Variants in CDK13 observed in about 807,000 individuals in gnomAD.
The protein encoded by CDK13 is cyclin dependent kinase 13.
CDK13 carries 40 observed loss-of-function variants against 137.6 expected under a neutral mutation model. The observed-to-expected ratio is 0.29, with a 90% CI of 0.23 to 0.38. CDK13 has a LOEUF of 0.38. Ranked by LOEUF, CDK13 falls within the 10% of genes least tolerant of loss-of-function variation. The pLI, the probability that CDK13 is intolerant of heterozygous loss-of-function variation, is 1.00. For missense variants in CDK13, 1,704 were observed against 1,951.8 expected, an observed-to-expected ratio of 0.87 and a Z score of 2.39; for synonymous variants, 869 against 760.1, an observed-to-expected ratio of 1.14 and a Z score of -2.36.
In CDK13 at chr7:39,951,010, G is replaced by A. The variant is rs1787152617; in HGVS notation, c.369G>A (p.Leu123=). Residue 123 remains leucine (L), a synonymous_variant, in exon 1 of 14, where the codon CTG becomes CTA. Coordinates refer to ENST00000181839, the MANE Select transcript of CDK13 (RefSeq NM_003718.5). ...CGGAGAAGCGTCGGGTCTTCTCGCT[G>A]CCCCAGCCGCAGCAGGACGGCGGTG... The part of the protein sequence containing the change: ...QEAEKRRVFS[L]PQPQQDGGGG... 1.5e-6 allele frequency: 2 copies of A among 1,303,270 alleles called. No homozygotes were observed. Among genetic ancestry groups the A allele is most frequent in the Non-Finnish European group, 9.7e-7 (1 of 1,029,348 alleles). 80.7% of individuals were successfully genotyped at this position (1,303,270 alleles called of 1,614,324 possible). A position where few individuals can be genotyped will look rare whatever the true frequency, so the allele number is the denominator to read the frequency against.
intron 11 of CDK13, among the ~76,000 whole-genome samples, chr7:40,083,068 G>A (rs559891434): frequency 2.2e-4 from 32 of 148,006 alleles, no homozygotes; most frequent in Middle Eastern, 3.6e-3. Flanking sequence ...GCGCCACTGC[G>A]CTCCAGCTTG....
intron 1 of CDK13, among the ~76,000 whole-genome samples, chr7:39,954,191 C>T (rs1216375513): frequency 6.6e-6 from 1 of 152,134 alleles, no homozygotes; most frequent in Non-Finnish European, 1.5e-5. Context: ...GACTAAAAAA[C>T]TCATACGGTT....
At chr7:40,000,101 C>T (rs958591633) in intron 4 of CDK13, among the ~76,000 whole-genome samples, 3 of 151,788 alleles carry the variant, frequency 2.0e-5, no homozygotes, top group African/African-American at 4.8e-5. Context: ...ATAGGCCGGG[C>T]GTGATTGCTC....
chr7:39,992,093 ACACACACACACG>A (rs1413116850), intron 2 of CDK13, among the ~76,000 whole-genome samples: 10 of 146,010 alleles, frequency 6.8e-5, no homozygotes, highest in Non-Finnish European at 1.3e-4. Flanking sequence ...ACACACACAC[ACACACACACACG>A]CACACACACA....
intron 1 of CDK13, among the ~76,000 whole-genome samples, chr7:39,966,943 A>G (rs1783885478): frequency 6.6e-6 from 1 of 152,102 alleles, no homozygotes; most frequent in Non-Finnish European, 1.5e-5. Context: ...GTTGAACAGT[A>G]AATGTTGCTG....
chr7:40,071,494 G>GT (rs1047500000), intron 9 of CDK13: 16 of 152,092 alleles, frequency 1.1e-4, no homozygotes, highest in African/African-American at 3.6e-4. Flanking sequence ...ATGATTGCTA[G>GT]TTTTTTACAG....
chr7:39,996,961 C>CAAAAAAAAAAAAAAA (rs72210233), intron 2 of CDK13, among the ~76,000 whole-genome samples: 11 of 83,244 alleles, frequency 1.3e-4, no homozygotes, highest in African/African-American at 7.9e-4. Context: ...GATTCCATCT[C>CAAAAAAAAAAAAAAA]AAAAAAAAAA....
At chr7:40,051,691 T>G (rs1006366036) in intron 7 of CDK13, among the ~76,000 whole-genome samples, 1 of 152,210 alleles carries the variant, frequency 6.6e-6, no homozygotes, top group Non-Finnish European at 1.5e-5. Flanking sequence ...TCTCATTAGA[T>G]TTTGGATGTT....
chr7:40,007,572 T>C (rs1784818828), intron 5 of CDK13, among the ~76,000 whole-genome samples: 2 of 152,066 alleles, frequency 1.3e-5, no homozygotes, highest in African/African-American at 4.8e-5. Context: ...ATTACAGATG[T>C]CCGCCACCAC....
chr7:40,029,565 C>T (rs867649179), intron 5 of CDK13, among the ~76,000 whole-genome samples: 3 of 150,326 alleles, frequency 2.0e-5, no homozygotes, highest in African/African-American at 7.3e-5. Flanking sequence ...ACTAAAAATA[C>T]AAAAATTAGC....
Position 40,096,548 on chromosome 7 carries a change from A to G in CDK13, c.*1568A>G, listed in dbSNP as rs1787051525. 1 of 152,136 alleles carries G rather than the reference A, an allele frequency of 6.6e-6. No individual in the cohort carries two copies. Among genetic ancestry groups the G allele is most frequent in the Admixed American group, 6.5e-5 (1 of 15,270 alleles). The allele number at this position is 152,136 out of a possible 1,614,324, so 9.4% of individuals were successfully genotyped here. ...GAAGTTAGAGTTGTGCCAATTAATC[A>G]TTTTGTTCATCAACTGTTCTGGTAA... On this transcript the variant is annotated 3_prime_UTR_variant, in exon 14 of 14. Transcript: ENST00000181839.
At chr7:39,977,340 T>C (rs545104721) in intron 1 of CDK13, among the ~76,000 whole-genome samples, 2 of 152,234 alleles carry the variant, frequency 1.3e-5, no homozygotes, top group Non-Finnish European at 2.9e-5. Flanking sequence ...GCAGTGTCTT[T>C]AATTGTGTAA....
Position 39,987,654 on chromosome 7 carries a change from C to T in CDK13, c.1267C>T (p.Arg423Cys), listed in dbSNP as rs757776422. The part of the protein sequence containing the change: ...SPYSSRHSRS[R>C]SRHRLSRSRS... Reference sequence around the variant, plus strand: ...GTATTCATCTAGGCATTCAAGATCTCGTAGCAGGCACAGATTGTCTAGATC... The same window carrying T: ...GTATTCATCTAGGCATTCAAGATCTTGTAGCAGGCACAGATTGTCTAGATC... The change falls in exon 2 of 14, where the codon CGT becomes TGT. Residue 423 changes from arginine (R) to cysteine (C), a missense_variant. By Grantham distance (180) the Arg-to-Cys change is radical. Transcript: ENST00000181839. The T allele has an allele frequency of 5.6e-6, 9 of 1,612,614 alleles. No homozygotes were observed. The highest frequency in any genetic ancestry group is 4.5e-5 in the East Asian group (2 of 44,878).
chr7:39,997,755 T>TA (rs1689775138), intron 3 of CDK13, 91 bp downstream of exon 3: 4 of 926,930 alleles, frequency 4.3e-6, no homozygotes, highest in Non-Finnish European at 6.6e-6. Flanking sequence ...AGGTTTAAAA[T>TA]AAAAAATGTA....
rs772193348 is a variant in CDK13 at position 40,094,115 on chromosome 7, C to A, written c.3689-15C>A. ...ATGGTAACTTTTGACCTTGTTTTTG[C>A]TCTGTTTCACTTAGGACAAGATGAC... On this transcript the variant is annotated splice_polypyrimidine_tract_variant and intron_variant, in intron 13 of 13. Transcript: ENST00000181839. 15 of 1,606,690 alleles carry A rather than the reference C, an allele frequency of 9.3e-6. No individual in the cohort carries two copies. The highest frequency in any genetic ancestry group is 1.3e-5 in the Non-Finnish European group (15 of 1,178,012).
intron 11 of CDK13, among the ~76,000 whole-genome samples, chr7:40,086,563 C>A (rs1786791794): frequency 6.6e-6 from 1 of 152,110 alleles, no homozygotes; most frequent in African/African-American, 2.4e-5. Flanking sequence ...AAAAGTTATT[C>A]TCTAGTGTTA....
At chr7:39,999,095 C>G (rs1261171517) in intron 3 of CDK13, 1 of 260,296 alleles carries the variant, frequency 3.8e-6, no homozygotes, top group East Asian at 6.7e-5. Context: ...TTCTGAAAAG[C>G]CTTCATACAA....
chr7:39,991,279 T>G (rs1454119268), intron 2 of CDK13, among the ~76,000 whole-genome samples: 2 of 152,238 alleles, frequency 1.3e-5, no homozygotes, highest in African/African-American at 4.8e-5. Context: ...CAACATACTT[T>G]AGGAAACCCG....
Position 39,951,761 on chromosome 7 carries a change from A to C in CDK13, c.1120A>C (p.Ser374Arg). ...RRRSPSYSRHSSYERGGDVSP... is the reference protein window; with the variant it reads ...RRRSPSYSRHRSYERGGDVSP... ...CCGCTCCCCCAGCTACAGCCGCCACAGCTCCTACGAGCGGGGCGGCGACGT... is the reference window on the plus strand; with the variant it reads ...CCGCTCCCCCAGCTACAGCCGCCACCGCTCCTACGAGCGGGGCGGCGACGT... The change falls in exon 1 of 14, where the codon AGC becomes CGC. Residue 374 changes from serine (S) to arginine (R), a missense_variant. Coordinates refer to ENST00000181839, the MANE Select transcript of CDK13 (RefSeq NM_003718.5). 7 of 1,484,582 alleles carry C rather than the reference A, an allele frequency of 4.7e-6. No individual in the cohort carries two copies. Among genetic ancestry groups the C allele is most frequent in the Non-Finnish European group, 6.2e-6 (7 of 1,130,380 alleles). 92.0% of individuals were successfully genotyped at this position (1,484,582 alleles called of 1,614,324 possible).
Sources: gnomAD v4.1 joint callset for allele counts (sites outside exome capture counted in the v4.1 genomes callset) on GRCh38, gnomAD v4.1.1 for gene constraint, MANE v1.5 for transcripts, NCBI Gene and HGNC (gene_info 2026-07-23, HGNC 2026-07-21) for gene names.